Variants in ADCY7 observed in about 807,000 individuals in gnomAD.
ADCY7 encodes the protein adenylate cyclase 7.
Under a neutral mutation model 120.6 loss-of-function variants are expected in ADCY7, and 72 were observed. The observed-to-expected ratio is 0.60, with a 90% CI of 0.49 to 0.73. The LOEUF (loss-of-function observed/expected upper bound fraction) is 0.73. ADCY7 is among the 30% of genes least tolerant of loss of function. The probability of loss-of-function intolerance (pLI) is 0.00; values close to 1 mark genes in which losing one functional copy is unlikely to be tolerated. For missense variants in ADCY7, 1,227 were observed against 1,486.0 expected (o/e 0.83, Z 2.87); for synonymous variants, 661 against 628.0 (o/e 1.05, Z -0.78).
intron 1 of ADCY7, among the ~76,000 whole-genome samples, chr16:50,251,781 C>T (rs1363722196): frequency 6.6e-6 from 1 of 152,212 alleles, no homozygotes; most frequent in East Asian, 1.9e-4. Context: ...CCCGCCTGGC[C>T]TCCGGGGGCT....
chr16:50,307,604 G>C (rs1410063266), intron 15 of ADCY7, among the ~76,000 whole-genome samples: 2 of 152,204 alleles, frequency 1.3e-5, no homozygotes, highest in African/African-American at 4.8e-5. Context: ...GGTGAAGTCA[G>C]AGGGAAGGGG....
intron 19 of ADCY7, 78 bp from the exon 20 acceptor site, chr16:50,311,615 C>A: frequency 1.0e-6 from 1 of 996,814 alleles, no homozygotes; most frequent in Non-Finnish European, 1.6e-6. Context: ...CCTGGGTGTG[C>A]GTGGCACCTG....
chr16:50,308,438 G>A, intron 16 of ADCY7, 27 bp downstream of exon 16: 1 of 1,613,556 alleles, frequency 6.2e-7, no homozygotes, highest in Non-Finnish European at 8.5e-7. Context: ...GGCCCCGCGG[G>A]CCCTCCCTCC....
chr16:50,312,801 C>A, intron 21 of ADCY7, 89 bp from the exon 22 acceptor site: 1 of 1,292,318 alleles, frequency 7.7e-7, no homozygotes, highest in Non-Finnish European at 1.1e-6. Flanking sequence ...CTGGGCAGTT[C>A]AGCAGTGCCA....
intron 2 of ADCY7, among the ~76,000 whole-genome samples, chr16:50,288,677 C>T (rs2034738493): frequency 6.6e-6 from 1 of 151,872 alleles, no homozygotes; most frequent in Admixed American, 6.6e-5. Context: ...GGGCTTTCAC[C>T]ATGTTGGCCA....
At chr16:50,307,740 G>A (rs982886499) in intron 15 of ADCY7, among the ~76,000 whole-genome samples, 13 of 152,308 alleles carry the variant, frequency 8.5e-5, no homozygotes, top group Admixed American at 1.3e-4. Context: ...ACTCACGCCT[G>A]TAATCCCAGC....
intron 1 of ADCY7, among the ~76,000 whole-genome samples, chr16:50,253,162 G>C (rs1247998949): frequency 1.3e-5 from 2 of 152,208 alleles, no homozygotes; most frequent in East Asian, 3.9e-4. Flanking sequence ...TTCGCAGTTA[G>C]AGAGCTGCAC....
At chr16:50,313,840 C>T (rs531113446) in intron 22 of ADCY7, 118 bp from the exon 23 acceptor site, 29 of 760,796 alleles carry the variant, frequency 3.8e-5, no homozygotes, top group Middle Eastern at 2.9e-4. Context: ...AGCCATGAGA[C>T]GTGTGTGCGA....
intron 1 of ADCY7, chr16:50,246,260 G>T: frequency 6.6e-6 from 1 of 150,674 alleles, no homozygotes; most frequent in South Asian, 1.9e-4. Flanking sequence ...CCCGGGGTCG[G>T]GGGTGCCCGT....
At chr16:50,282,666 C>T (rs7184476) in intron 1 of ADCY7, among the ~76,000 whole-genome samples, 1,975 of 151,744 alleles carry the variant, frequency 0.013, 41 homozygotes, top group African/African-American at 0.045. Flanking sequence ...GGATGCCAGC[C>T]CCATGAGGGT....
chr16:50,294,616 C>A, intron 6 of ADCY7, 24 bp from the exon 7 acceptor site: 2 of 1,270,398 alleles, frequency 1.6e-6, no homozygotes, highest in South Asian at 1.2e-5. Flanking sequence ...TCTGACACTC[C>A]CTCCCACCCT....
At chr16:50,289,936 A>G (rs915677671) in intron 2 of ADCY7, among the ~76,000 whole-genome samples, 8 of 152,284 alleles carry the variant, frequency 5.3e-5, no homozygotes, top group African/African-American at 1.7e-4. Context: ...CAGCCCCCAG[A>G]TCAGGCCTCT....
upstream of ADCY7, among the ~76,000 whole-genome samples, chr16:50,265,953 A>G (rs1236879552): frequency 6.6e-6 from 1 of 152,204 alleles, no homozygotes; most frequent in East Asian, 1.9e-4. Flanking sequence ...TCCCAGCCTC[A>G]TGGTGCCCAG....
rs531215501 is a variant in ADCY7 at position 50,285,195 on chromosome 16, AGCACTTTGG to A, written c.-268-2708_-268-2700del. Among the ~76,000 whole-genome samples, 271 of 152,368 alleles carry A rather than the reference AGCACTTTGG, an allele frequency of 1.8e-3. 2 individuals carry two copies. The highest frequency in any genetic ancestry group is 6.3e-3 in the African/African-American group (260 of 41,584). On this transcript the variant is annotated intron_variant, in intron 1 of 25. Coordinates refer to ENST00000673801, the MANE Select transcript of ADCY7 (RefSeq NM_001114.5). Reference sequence around the variant, plus strand: ...AGAAATCAGATTTGTAGCCTGTCTGAGCACTTTGGGCACTTTGACAGCTCTTGGCCACAT... The same window carrying A: ...AGAAATCAGATTTGTAGCCTGTCTGAGCACTTTGACAGCTCTTGGCCACAT...
chr16:50,306,998 T>G (rs1596972912), intron 14 of ADCY7, 52 bp from the exon 15 acceptor site: 2 of 1,420,976 alleles, frequency 1.4e-6, no homozygotes. Context: ...GGAGGCAGGG[T>G]GGGCAAGTGG....
chr16:50,312,756 C>G, intron 21 of ADCY7, 134 bp from the exon 22 acceptor site: 3 of 836,812 alleles, frequency 3.6e-6, no homozygotes, highest in Admixed American at 2.4e-5. Flanking sequence ...GAAACTCATG[C>G]AGCCCGCCCC....
chr16:50,257,834 C>A (rs1237494978), intron 1 of ADCY7, among the ~76,000 whole-genome samples: 2 of 151,816 alleles, frequency 1.3e-5, no homozygotes, highest in Non-Finnish European at 2.9e-5. Context: ...CCTCTACCTC[C>A]CAGGCTCAGG....
chr16:50,267,744 C>T (rs765806629), intron 1 of ADCY7, among the ~76,000 whole-genome samples: 1 of 152,186 alleles, frequency 6.6e-6, no homozygotes, highest in African/African-American at 2.4e-5. Flanking sequence ...TAGGACATTG[C>T]CATTGTGACA....
At chr16:50,249,256 A>G (rs2032679926) in intron 1 of ADCY7, among the ~76,000 whole-genome samples, 1 of 152,110 alleles carries the variant, frequency 6.6e-6, no homozygotes. Context: ...CCTGGCCAAC[A>G]TGATGAAACC....
Sources: allele counts gnomAD v4.1 joint callset (sites outside exome capture counted in the v4.1 genomes callset), GRCh38; gene constraint gnomAD v4.1.1; transcripts MANE v1.5; gene names NCBI Gene and HGNC (gene_info 2026-07-23, HGNC 2026-07-21).